DNAJC15: variants seen among roughly 807,000 people sequenced by gnomAD.
DNAJC15 encodes the protein DnaJ heat shock protein family (Hsp40) member C15.
Under a neutral mutation model 22.4 loss-of-function variants are expected in DNAJC15, and 27 were observed. That is an observed-to-expected ratio of 1.20 (90% CI 0.89 to 1.66). DNAJC15 has a LOEUF of 1.66. Ranked by LOEUF, DNAJC15 falls within the 40% of genes most tolerant of loss-of-function variation. The pLI is 0.00. For missense variants in DNAJC15, 208 were observed against 187.1 expected (o/e 1.11, Z -0.65); for synonymous variants, 79 against 63.2 (o/e 1.25, Z -1.19).
chr13:43,064,879 G>C (rs9533374), intron 1 of DNAJC15, among the ~76,000 whole-genome samples: 4 of 151,554 alleles, frequency 2.6e-5, no homozygotes, highest in African/African-American at 7.3e-5. Context: ...TGTATCTTAC[G>C]TGCCAACGCT....
Position 43,110,983 on chromosome 13 carries a change from C to T in DNAJC15, c.*3735C>T, listed in dbSNP as rs559062778. The T allele has an allele frequency of 2.0e-5, 3 of 152,332 alleles. No individual in the cohort carries two copies. The highest frequency in any genetic ancestry group is 2.1e-4 in the South Asian group (1 of 4,826). The allele number at this position is 152,332 out of a possible 1,614,324, so 9.4% of individuals were successfully genotyped here. ...ATATTGCAGTTTCTGTGCATACTTA[C>T]ATCTTAGATGCAATCTGAGGGCCTA... On this transcript the variant is annotated 3_prime_UTR_variant, in exon 6 of 6. Transcript: ENST00000379221.
chr13:43,082,850 A>G (rs866039649), intron 4 of DNAJC15, among the ~76,000 whole-genome samples: 6 of 145,550 alleles, frequency 4.1e-5, no homozygotes, highest in Non-Finnish European at 6.2e-5. Flanking sequence ...TCACCTATAT[A>G]TATATATATA....
chr13:43,076,163 A>G (rs1344525808), intron 3 of DNAJC15, among the ~76,000 whole-genome samples: 3 of 152,182 alleles, frequency 2.0e-5, no homozygotes, highest in African/African-American at 7.2e-5. Flanking sequence ...TGGATTATAA[A>G]TTACTTGAAA....
intron 1 of DNAJC15, among the ~76,000 whole-genome samples, chr13:43,059,263 A>T (rs940318765): frequency 6.6e-6 from 1 of 152,148 alleles, no homozygotes; most frequent in Non-Finnish European, 1.5e-5. Context: ...TTTTTATTAC[A>T]TTATTATTGA....
At chr13:43,054,007 T>C (rs1240914739) in intron 1 of DNAJC15, among the ~76,000 whole-genome samples, 3 of 152,236 alleles carry the variant, frequency 2.0e-5, no homozygotes. Flanking sequence ...CCAGAAGGAA[T>C]GCTTTCAACT....
chr13:43,025,288 G>A (rs1593305997), intron 1 of DNAJC15, among the ~76,000 whole-genome samples: 1 of 152,188 alleles, frequency 6.6e-6, no homozygotes, highest in African/African-American at 2.4e-5. Flanking sequence ...AAAAATCCGA[G>A]TATCAGGCTT....
At chr13:43,042,120 A>T (rs7317430) in intron 1 of DNAJC15, among the ~76,000 whole-genome samples, 81,301 of 152,040 alleles carry the variant, frequency 0.53, 21,839 homozygotes, top group South Asian at 0.64. Flanking sequence ...AAACCATGGA[A>T]AGTACTGAAC....
intron 1 of DNAJC15, among the ~76,000 whole-genome samples, chr13:43,047,747 A>C (rs2040484596): frequency 6.6e-6 from 1 of 152,206 alleles, no homozygotes; most frequent in Non-Finnish European, 1.5e-5. Context: ...AGGAGTAGAA[A>C]GTATAAGGGG....
rs111535119 is a variant in DNAJC15, at chr13:43,034,567, G to A, written c.108+10833G>A. On this transcript the variant is annotated intron_variant, in intron 1 of 5. Transcript: ENST00000379221. Reference sequence around the variant, plus strand: ...CCTGACCTAGTGATCCGCCCGCCTCGGCCTCCCAAAGTGCTAGGATTACAG... The same window carrying A: ...CCTGACCTAGTGATCCGCCCGCCTCAGCCTCCCAAAGTGCTAGGATTACAG... 1.4e-3 allele frequency among the ~76,000 whole-genome samples: 209 copies of A among 151,734 alleles called. 1 individual carries two copies. Among genetic ancestry groups the A allele is most frequent in the African/African-American group, 4.7e-3 (194 of 41,424 alleles).
At chr13:43,071,347 C>T (rs1437793362) in intron 3 of DNAJC15, among the ~76,000 whole-genome samples, 1 of 152,100 alleles carries the variant, frequency 6.6e-6, no homozygotes, top group Non-Finnish European at 1.5e-5. Context: ...ATGTGTGTAC[C>T]CCCTTTTCCC....
intron 5 of DNAJC15, among the ~76,000 whole-genome samples, chr13:43,087,226 C>CT (rs1252254158): frequency 2.6e-5 from 4 of 152,220 alleles, no homozygotes; most frequent in South Asian, 2.1e-4. Context: ...CAACTGTGGA[C>CT]TTTTTTTCCA....
chr13:43,082,859 T>TACAC (rs397836348), intron 4 of DNAJC15, among the ~76,000 whole-genome samples: 2,563 of 146,910 alleles, frequency 0.017, 86 homozygotes, highest in East Asian at 0.11. Flanking sequence ...TATATATATA[T>TACAC]ACACACATAT....
chr13:43,102,937 G>A (rs1301267825), intron 5 of DNAJC15, among the ~76,000 whole-genome samples: 2 of 151,754 alleles, frequency 1.3e-5, no homozygotes, highest in African/African-American at 4.8e-5. Flanking sequence ...TTTATGGGAA[G>A]GTTTTTAATT....
intron 1 of DNAJC15, among the ~76,000 whole-genome samples, chr13:43,037,158 C>G (rs1033297187): frequency 3.9e-5 from 6 of 152,196 alleles, no homozygotes; most frequent in African/African-American, 1.4e-4. Flanking sequence ...CCAGACGGGC[C>G]GTAGCAGCCA....
At chr13:43,078,911 C>T (rs973348353) in intron 4 of DNAJC15, 3 of 327,220 alleles carry the variant, frequency 9.2e-6, no homozygotes, top group Non-Finnish European at 1.7e-5. Flanking sequence ...TGTGAAGTAC[C>T]TTTATTCTTT....
intron 1 of DNAJC15, among the ~76,000 whole-genome samples, chr13:43,025,882 C>G (rs189692513): frequency 1.3e-5 from 2 of 152,068 alleles, no homozygotes; most frequent in Admixed American, 1.3e-4. Context: ...CCAGCCTGGG[C>G]GACAGAGCGA....
intron 1 of DNAJC15, among the ~76,000 whole-genome samples, chr13:43,027,874 C>T (rs2040387378): frequency 1.3e-5 from 2 of 152,182 alleles, no homozygotes; most frequent in Non-Finnish European, 2.9e-5. Flanking sequence ...CCAGGCTGGT[C>T]TCAAACTCCT....
intron 1 of DNAJC15, among the ~76,000 whole-genome samples, chr13:43,034,480 T>G (rs906990908): frequency 2.0e-5 from 3 of 151,664 alleles, no homozygotes. Flanking sequence ...CGCGCCCGGC[T>G]AATTTTTTGA....
chr13:43,051,212 A>T (rs1238878798), intron 1 of DNAJC15, among the ~76,000 whole-genome samples: 1 of 152,170 alleles, frequency 6.6e-6, no homozygotes, highest in Non-Finnish European at 1.5e-5. Context: ...TCCTGACCTC[A>T]GACGATCCAC....
Sources: gnomAD v4.1 joint callset for allele counts (sites outside exome capture counted in the v4.1 genomes callset) on GRCh38, gnomAD v4.1.1 for gene constraint, MANE v1.5 for transcripts, NCBI Gene and HGNC (gene_info 2026-07-23, HGNC 2026-07-21) for gene names.